The following CACNA2D1 variants were observed in gnomAD, a reference collection of about 807,000 sequenced individuals.
CACNA2D1 encodes calcium voltage-gated channel auxiliary subunit alpha2delta 1.
CACNA2D1 carries 53 observed loss-of-function variants against 171.5 expected under a neutral mutation model. The observed-to-expected ratio is 0.31, with a 90% CI of 0.25 to 0.39. CACNA2D1 has a LOEUF of 0.39. CACNA2D1 is among the 10% of genes least tolerant of loss of function. The pLI, the probability that CACNA2D1 is intolerant of heterozygous loss-of-function variation, is 1.00. For missense variants in CACNA2D1, 903 were observed against 1,299.8 expected (o/e 0.69, Z 4.69); for synonymous variants, 442 against 443.1 (o/e 1.00, Z 0.03).
At chr7:82,230,520 T>C (rs1189189851) in intron 3 of CACNA2D1, among the ~76,000 whole-genome samples, 1 of 152,236 alleles carries the variant, frequency 6.6e-6, no homozygotes, top group Non-Finnish European at 1.5e-5. Flanking sequence ...TTCACTTTGA[T>C]AAATATAAAA....
chr7:81,979,793 A>C (rs1796254134), intron 24 of CACNA2D1, among the ~76,000 whole-genome samples: 1 of 152,152 alleles, frequency 6.6e-6, no homozygotes, highest in Non-Finnish European at 1.5e-5. Flanking sequence ...TAAGATTGCA[A>C]GTATTATTAG....
chr7:81,975,668 T>C (rs751888953), intron 24 of CACNA2D1, among the ~76,000 whole-genome samples: 3 of 152,180 alleles, frequency 2.0e-5, no homozygotes, highest in Non-Finnish European at 4.4e-5. Flanking sequence ...CTTTTAAGCA[T>C]CCGTGATTTT....
chr7:82,273,771 C>T (rs188729071), intron 3 of CACNA2D1, among the ~76,000 whole-genome samples: 45 of 152,184 alleles, frequency 3.0e-4, no homozygotes, highest in African/African-American at 1.0e-3. Flanking sequence ...CATAAGTGTG[C>T]AGATGTATTT....
intron 3 of CACNA2D1, among the ~76,000 whole-genome samples, chr7:82,191,529 A>C (rs2129185803): frequency 6.6e-6 from 1 of 151,958 alleles, no homozygotes; most frequent in African/African-American, 2.4e-5. Flanking sequence ...CACAAAGGCA[A>C]GTTGCTTTGA....
chr7:82,422,678 G>A (rs4732460), intron 1 of CACNA2D1, among the ~76,000 whole-genome samples: 3,275 of 152,098 alleles, frequency 0.022, 115 homozygotes, highest in East Asian at 0.12. Context: ...CAGCTGTTCC[G>A]GAAGAAGTGT....
In CACNA2D1 at chr7:82,096,849, T is replaced by C. The variant is rs141434321; in HGVS notation, c.527-11949A>G. ...AAAATCACTATTTAATAATTCTTCA[T>C]AAGGCTCTTAAAATTCAATTTCAAA... On this transcript the variant is annotated intron_variant, in intron 6 of 38. Transcript: ENST00000356860. Among the ~76,000 whole-genome samples, 85 of 152,160 alleles carry C rather than the reference T, an allele frequency of 5.6e-4. 2 individuals are homozygous for C. The highest frequency in any genetic ancestry group is 2.0e-3 in the African/African-American group (84 of 41,514).
chr7:82,375,328 A>G (rs944008902), intron 1 of CACNA2D1, among the ~76,000 whole-genome samples: 9 of 152,124 alleles, frequency 5.9e-5, no homozygotes, highest in Non-Finnish European at 1.0e-4. Context: ...TAGAGATGAC[A>G]TTGTCATGGC....
At chr7:82,106,062 T>C (rs1019711578) in intron 6 of CACNA2D1, among the ~76,000 whole-genome samples, 1 of 152,196 alleles carries the variant, frequency 6.6e-6, no homozygotes, top group Non-Finnish European at 1.5e-5. Flanking sequence ...ATCTGAATGT[T>C]TGCATATCTC....
At chr7:82,280,832 C>T (rs1810000605) in intron 3 of CACNA2D1, among the ~76,000 whole-genome samples, 1 of 152,066 alleles carries the variant, frequency 6.6e-6, no homozygotes, top group African/African-American at 2.4e-5. Context: ...CAGACACGTG[C>T]ACCAGTGCCT....
chr7:81,961,195 T>C (rs1794074265), intron 36 of CACNA2D1, among the ~76,000 whole-genome samples: 1 of 152,028 alleles, frequency 6.6e-6, no homozygotes, highest in Non-Finnish European at 1.5e-5. Flanking sequence ...GACTTGCTGC[T>C]CTCCTCTCAG....
chr7:82,133,236 A>G (rs1791210464), intron 5 of CACNA2D1, among the ~76,000 whole-genome samples: 1 of 152,152 alleles, frequency 6.6e-6, no homozygotes, highest in African/African-American at 2.4e-5. Flanking sequence ...ATAATATTTT[A>G]CCCATTATTA....
chr7:82,310,712 A>C (rs1814346127), intron 3 of CACNA2D1, among the ~76,000 whole-genome samples: 1 of 152,136 alleles, frequency 6.6e-6, no homozygotes, highest in Non-Finnish European at 1.5e-5. Flanking sequence ...TAGGTCTTTT[A>C]AATATTTGGA....
chr7:82,041,536 C>A (rs1467094528), intron 10 of CACNA2D1, among the ~76,000 whole-genome samples: 3 of 152,286 alleles, frequency 2.0e-5, no homozygotes, highest in Non-Finnish European at 4.4e-5. Flanking sequence ...AAATGTCCTG[C>A]ACAGATAGTA....
intron 12 of CACNA2D1, among the ~76,000 whole-genome samples, chr7:82,017,371 T>C (rs1800627657): frequency 1.3e-5 from 2 of 152,154 alleles, no homozygotes; most frequent in African/African-American, 2.4e-5. Flanking sequence ...GCTAATTACA[T>C]AAGAATTTTA....
At chr7:81,951,883 T>C (rs997427860) in intron 38 of CACNA2D1, among the ~76,000 whole-genome samples, 5 of 151,620 alleles carry the variant, frequency 3.3e-5, no homozygotes, top group Non-Finnish European at 7.4e-5. Flanking sequence ...CAAATGGTAG[T>C]TCTACTTTTC....
At chr7:82,441,410 T>C (rs928894254) in intron 1 of CACNA2D1, among the ~76,000 whole-genome samples, 1 of 152,120 alleles carries the variant, frequency 6.6e-6, no homozygotes, top group African/African-American at 2.4e-5. Flanking sequence ...TTATATAATT[T>C]GAAAATATCT....
At chr7:82,059,376 A>T (rs1806325840) in intron 10 of CACNA2D1, among the ~76,000 whole-genome samples, 1 of 152,162 alleles carries the variant, frequency 6.6e-6, no homozygotes, top group Non-Finnish European at 1.5e-5. Flanking sequence ...AGGAGACTTT[A>T]ATAAGAGCAC....
intron 22 of CACNA2D1, among the ~76,000 whole-genome samples, chr7:81,983,545 T>A (rs1796649874): frequency 6.6e-6 from 1 of 152,178 alleles, no homozygotes; most frequent in African/African-American, 2.4e-5. Context: ...ATAACTAGAT[T>A]ACCCTCTCTG....
rs931343967 is a variant in CACNA2D1, at chr7:82,443,600, G to A, written c.-141C>T. 3 of 1,380,696 alleles carry A rather than the reference G, an allele frequency of 2.2e-6. No homozygotes were observed. The Admixed American group carries it at 1.1e-4, about 50-fold the overall frequency. The allele number at this position is 1,380,696 out of a possible 1,614,324, so 85.5% of individuals were successfully genotyped here. ...GCTGGCTGCGCCCGGGGCCCGAGGC[G>A]CGGAGCCGCGCGGGGGACGGCAAGG... is the stretch of plus-strand genomic sequence containing the variant. On this transcript the variant is annotated 5_prime_UTR_variant, in exon 1 of 39. Transcript: ENST00000356860.
Sources: gnomAD v4.1 joint callset for allele counts (sites outside exome capture counted in the v4.1 genomes callset) on GRCh38, gnomAD v4.1.1 for gene constraint, MANE v1.5 for transcripts, NCBI Gene and HGNC (gene_info 2026-07-23, HGNC 2026-07-21) for gene names.